BMAL2: variants seen among roughly 807,000 people sequenced by gnomAD.
BMAL2 encodes the protein basic helix-loop-helix ARNT like 2.
chr12:27,416,624 A>G, the BMAL2 span, among the ~76,000 whole-genome samples: 60 of 152,298 alleles, frequency 3.9e-4, no homozygotes, highest in African/African-American at 1.4e-3. Flanking sequence ...AGGAGAAAGG[A>G]GAAATTTTAT....
At chr12:27,343,632 G>C in the BMAL2 span, among the ~76,000 whole-genome samples, 3 of 152,158 alleles carry the variant, frequency 2.0e-5, no homozygotes, top group Non-Finnish European at 4.4e-5. Flanking sequence ...AAAACCTGCT[G>C]ATGTTGAAAA....
the BMAL2 span, among the ~76,000 whole-genome samples, chr12:27,340,449 GT>G: frequency 6.6e-6 from 1 of 152,236 alleles, no homozygotes; most frequent in Non-Finnish European, 1.5e-5. Flanking sequence ...TCTCTATTCT[GT>G]TCCAATAGTC....
chr12:27,333,070 G>C, the BMAL2 span: 1 of 1,203,884 alleles, frequency 8.3e-7, no homozygotes, highest in Non-Finnish European at 1.0e-6. Context: ...AGTGGCTCCT[G>C]CGATGGCGGC....
At chr12:27,395,885 A>G in the BMAL2 span, among the ~76,000 whole-genome samples, 1 of 152,220 alleles carries the variant, frequency 6.6e-6, no homozygotes, top group African/African-American at 2.4e-5. Flanking sequence ...GACAGAGTAG[A>G]AAGGGCCTGG....
the BMAL2 span, among the ~76,000 whole-genome samples, chr12:27,367,830 GTATA>G: frequency 3.3e-4 from 49 of 149,404 alleles, 1 homozygote; most frequent in African/African-American, 1.1e-3. Context: ...GTGTGTGTGT[GTATA>G]TATATATATA....
At chr12:27,405,939 T>G in the BMAL2 span, among the ~76,000 whole-genome samples, 1 of 152,154 alleles carries the variant, frequency 6.6e-6, no homozygotes, top group South Asian at 2.1e-4. Flanking sequence ...GAGAACTACA[T>G]GACGAATGCA....
the BMAL2 span, among the ~76,000 whole-genome samples, chr12:27,414,781 G>A: frequency 6.6e-6 from 1 of 152,046 alleles, no homozygotes; most frequent in African/African-American, 2.4e-5. Flanking sequence ...AATTATCAGA[G>A]CAGAAACAGA....
the BMAL2 span, chr12:27,400,888 A>C: frequency 7.9e-6 from 8 of 1,007,448 alleles, no homozygotes; most frequent in Non-Finnish European, 1.1e-5. Context: ...TTCAGAACAG[A>C]AAATAAAGTT....
chr12:27,398,201 A>T, the BMAL2 span, among the ~76,000 whole-genome samples: 1 of 152,214 alleles, frequency 6.6e-6, no homozygotes, highest in African/African-American at 2.4e-5. Flanking sequence ...AGACAGCAAG[A>T]CACCAAGTTG....
At chr12:27,380,376 G>A in the BMAL2 span, 7 of 1,614,128 alleles carry the variant, frequency 4.3e-6, no homozygotes, top group East Asian at 1.6e-4. Context: ...TTTTAAGAAT[G>A]GCTGTTCAAC....
the BMAL2 span, among the ~76,000 whole-genome samples, chr12:27,360,813 A>AAAAC: frequency 6.7e-6 from 1 of 148,932 alleles, no homozygotes. Context: ...CAAAAAAAAA[A>AAAAC]AAAAAAAAAA....
the BMAL2 span, among the ~76,000 whole-genome samples, chr12:27,391,897 G>A: frequency 1.3e-5 from 2 of 152,190 alleles, no homozygotes; most frequent in Non-Finnish European, 2.9e-5. Context: ...GCTGTCTAAC[G>A]TCACATATGA....
At chr12:27,373,434 G>A in the BMAL2 span, among the ~76,000 whole-genome samples, 6,235 of 152,242 alleles carry the variant, frequency 0.041, 157 homozygotes, top group Non-Finnish European at 0.061. Flanking sequence ...TCAGGGTAGA[G>A]GCCTGGCCTG....
the BMAL2 span, chr12:27,418,054 A>G: frequency 1.0e-5 from 14 of 1,357,502 alleles, no homozygotes; most frequent in African/African-American, 1.4e-5. Context: ...TCTAGTAGGA[A>G]CCTCACTGTT....
the BMAL2 span, among the ~76,000 whole-genome samples, chr12:27,357,009 G>A: frequency 3.3e-5 from 5 of 151,974 alleles, no homozygotes; most frequent in Non-Finnish European, 7.4e-5. Flanking sequence ...GTGATGTTTG[G>A]TTTTCCATTC....
the BMAL2 span, among the ~76,000 whole-genome samples, chr12:27,396,149 G>C: frequency 0.17 from 26,366 of 152,110 alleles, 3,060 homozygotes; most frequent in African/African-American, 0.33. Flanking sequence ...ATCCAGTCTG[G>C]AATTTTGTTA....
At chr12:27,381,438 G>A in the BMAL2 span, among the ~76,000 whole-genome samples, 18 of 152,190 alleles carry the variant, frequency 1.2e-4, no homozygotes, top group East Asian at 7.7e-4. Flanking sequence ...ACTCATGGCA[G>A]AAGGCAAAGT....
the BMAL2 span, chr12:27,376,337 T>A: frequency 6.2e-7 from 1 of 1,612,882 alleles, no homozygotes; most frequent in South Asian, 1.1e-5. Flanking sequence ...TTATCCTGCT[T>A]TTTTGTAGAG....
At chr12:27,363,069 C>T in the BMAL2 span, among the ~76,000 whole-genome samples, 11 of 152,154 alleles carry the variant, frequency 7.2e-5, no homozygotes, top group African/African-American at 2.7e-4. Flanking sequence ...CCTTCCAAGT[C>T]TTCATGCTGG....
Sources: gnomAD v4.1 joint callset for allele counts (sites outside exome capture counted in the v4.1 genomes callset) on GRCh38, gnomAD v4.1.1 for gene constraint, MANE v1.5 for transcripts, NCBI Gene and HGNC (gene_info 2026-07-23, HGNC 2026-07-21) for gene names.